The following PIK3C3 variants were observed in gnomAD, a reference collection of about 807,000 sequenced individuals.
The protein encoded by PIK3C3 is phosphatidylinositol 3-kinase catalytic subunit type 3, also known as PI3-kinase type 3.
In PIK3C3, 95 loss-of-function variants were observed where a neutral mutation model predicts 126.1. The observed-to-expected ratio is 0.75, with a 90% confidence interval of 0.64 to 0.89. The LOEUF (loss-of-function observed/expected upper bound fraction) is 0.89, where lower values mean the gene tolerates loss of function less well. Ranked by LOEUF, PIK3C3 falls within the 40% of genes least tolerant of loss-of-function variation. PIK3C3 has a pLI of 0.00. For synonymous variants in PIK3C3, 374 were observed against 360.0 expected, an observed-to-expected ratio of 1.04 and a Z score of -0.44; for missense variants, 829 against 1,063.2, an observed-to-expected ratio of 0.78 and a Z score of 3.06.
chr18:42,013,473 AG>A lies in PIK3C3; in HGVS notation c.1204del (p.Ala402LeufsTer10), dbSNP rs1485549204. The A allele has an allele frequency of 6.3e-7, 1 of 1,589,690 alleles. No individual in the cohort carries two copies. Reference sequence around the variant, plus strand: ...TTGATGTACCTATTACAATTGGTCCAGGCTCTCAAATATGAAAATTTTGATG... The same window carrying A: ...TTGATGTACCTATTACAATTGGTCCAGCTCTCAAATATGAAAATTTTGATG... ...DLLMYLLQLV[Q>X]ALKYENFDDI... is the part of the protein sequence containing the mutation. On this transcript the variant is annotated frameshift_variant, in exon 11 of 25. Transcript: ENST00000262039. LOFTEE classifies it high-confidence loss of function.
chr18:41,957,779 T>C, intron 2 of PIK3C3, 21 bp downstream of exon 2: 1 of 1,587,778 alleles, frequency 6.3e-7, no homozygotes. Flanking sequence ...TTGTGGCATA[T>C]GGTATGTTAC....
intron 4 of PIK3C3, among the ~76,000 whole-genome samples, chr18:41,973,158 A>C (rs946213864): frequency 7.2e-5 from 11 of 152,108 alleles, no homozygotes; most frequent in African/African-American, 2.2e-4. Flanking sequence ...CTAGGGAATA[A>C]AATTGTGATT....
At chr18:42,045,376 C>T (rs113528699) in intron 20 of PIK3C3, among the ~76,000 whole-genome samples, 88 of 152,110 alleles carry the variant, frequency 5.8e-4, no homozygotes, top group African/African-American at 2.0e-3. Flanking sequence ...TTTCTCAGAC[C>T]TTCAAGTCTA....
In PIK3C3 at chr18:42,006,924, C is replaced by T. The variant is rs541701182; in HGVS notation, c.1170+2383C>T. Among the ~76,000 whole-genome samples the T allele has an allele frequency of 1.2e-4, 16 of 135,924 alleles. No homozygotes were observed. In the South Asian group the frequency reaches 2.6e-3, roughly 22 times the overall value. 89.2% of individuals were successfully genotyped at this position (135,924 alleles called of 152,430 possible). A position where few individuals can be genotyped will look rare whatever the true frequency, so the allele number is the denominator to read the frequency against. The stretch of plus-strand genomic sequence containing the variant: ...TGTCTCCTAGGCTGGAATGCAGTGG[C>T]GTGATCTCAGCTCACTGAAAGCTCT... On this transcript the variant is annotated intron_variant, in intron 10 of 24. Coordinates refer to ENST00000262039, the MANE Select transcript of PIK3C3 (RefSeq NM_002647.4).
At chr18:41,957,217 G>T (rs550382117) in intron 1 of PIK3C3, among the ~76,000 whole-genome samples, 97 of 152,314 alleles carry the variant, frequency 6.4e-4, no homozygotes, top group Non-Finnish European at 1.2e-3. Context: ...AACTTGAAAT[G>T]AAGAAAATGA....
chr18:42,069,546 G>C (rs1231369500), intron 24 of PIK3C3, among the ~76,000 whole-genome samples: 1 of 152,124 alleles, frequency 6.6e-6, no homozygotes, highest in Non-Finnish European at 1.5e-5. Context: ...CTCTGTGTGT[G>C]TACACCTTAT....
intron 18 of PIK3C3, among the ~76,000 whole-genome samples, chr18:42,039,382 G>C (rs1005323997): frequency 2.6e-5 from 4 of 152,254 alleles, no homozygotes; most frequent in African/African-American, 9.6e-5. Flanking sequence ...ATTTTAAAAA[G>C]TGCAAATGTG....
At chr18:42,057,721 ACT>A in intron 21 of PIK3C3, 160 bp from the exon 22 acceptor site, 1 of 614,388 alleles carries the variant, frequency 1.6e-6, no homozygotes. Context: ...TCTGAAGGCC[ACT>A]CTCAAACCTG....
chr18:42,078,487 AT>A (rs559360452), intron 24 of PIK3C3, among the ~76,000 whole-genome samples: 1 of 151,884 alleles, frequency 6.6e-6, no homozygotes, highest in Non-Finnish European at 1.5e-5. Context: ...GGCAGAGTAG[AT>A]TTAACATAAT....
intron 3 of PIK3C3, among the ~76,000 whole-genome samples, chr18:41,964,419 A>G (rs9948650): frequency 0.083 from 12,630 of 152,092 alleles, 1,709 homozygotes; most frequent in African/African-American, 0.28. Flanking sequence ...TTATGCCTCA[A>G]TGTCTTCATA....
In PIK3C3 at chr18:42,043,832, C is replaced by G. The variant is rs763770027; in HGVS notation, c.2188+15C>G. ...TAAAAGCTGTGGTAAGTTTTTCAGG[C>G]TATTACTTTCCATTGATCAGATAAA... On this transcript the variant is annotated intron_variant, in intron 20 of 24. Coordinates refer to ENST00000262039, the MANE Select transcript of PIK3C3 (RefSeq NM_002647.4). The G allele has an allele frequency of 8.3e-6, 13 of 1,562,438 alleles. No homozygotes were observed. The Admixed American group carries it at 1.7e-4, about 20-fold the overall frequency.
At chr18:41,981,119 C>T (rs1174705559) in intron 4 of PIK3C3, among the ~76,000 whole-genome samples, 1 of 151,978 alleles carries the variant, frequency 6.6e-6, no homozygotes, top group African/African-American at 2.4e-5. Flanking sequence ...TCTGTGTCGC[C>T]ATTGAATTGT....
chr18:41,971,073 A>G (rs1008802940), intron 4 of PIK3C3: 3 of 153,272 alleles, frequency 2.0e-5, no homozygotes, highest in Non-Finnish European at 4.4e-5. Flanking sequence ...GTTTTAATCA[A>G]GTGTTTTCAC....
intron 1 of PIK3C3, among the ~76,000 whole-genome samples, chr18:41,955,818 A>G (rs1434786209): frequency 6.6e-6 from 1 of 152,056 alleles, no homozygotes; most frequent in East Asian, 1.9e-4. Context: ...ATGGTGTATT[A>G]GCACGGGAGG....
rs774970052 is a variant in PIK3C3, at chr18:42,081,111, T to C, written c.2650-12T>C. On this transcript the variant is annotated splice_polypyrimidine_tract_variant and intron_variant, in intron 24 of 24. Coordinates refer to ENST00000262039, the MANE Select transcript of PIK3C3 (RefSeq NM_002647.4). The stretch of plus-strand genomic sequence containing the variant: ...AAATTATTTTCTGTTTATTTCTTTT[T>C]AATTTTTGTAGTACTGGAGAAAATG... 6.7e-7 allele frequency: 1 copy of C among 1,496,180 alleles called. No homozygotes were observed. The highest frequency in any genetic ancestry group is 1.2e-5 in the South Asian group (1 of 84,184). 92.7% of individuals were successfully genotyped at this position (1,496,180 alleles called of 1,614,324 possible). A position where few individuals can be genotyped will look rare whatever the true frequency, so the allele number is the denominator to read the frequency against.
Position 42,038,775 on chromosome 18 carries a change from TA to T in PIK3C3, c.1969-2del. On this transcript the variant is annotated splice_polypyrimidine_tract_variant and splice_region_variant and intron_variant, in intron 17 of 24. Transcript: ENST00000262039. ...TGGTTAATATATTTTACCTTTTGAT[TA>T]AAAGCTGTTACGGAAAGAAAATCTG... is the stretch of plus-strand genomic sequence containing the variant. 1 of 1,587,504 alleles carries T rather than the reference TA, an allele frequency of 6.3e-7. No individual in the cohort carries two copies. The highest frequency in any genetic ancestry group is 8.6e-7 in the Non-Finnish European group (1 of 1,156,914).
rs761748493 is a variant in PIK3C3, at chr18:41,993,288, C to T, written c.733C>T (p.Pro245Ser). 3.7e-6 allele frequency: 6 copies of T among 1,608,432 alleles called. No homozygotes were observed. Among genetic ancestry groups the T allele is most frequent in the Admixed American group, 3.3e-5 (2 of 59,714 alleles). ...YYEKDGDESS[P>S]ILTSFELVKV... is the part of the protein sequence containing the mutation. The stretch of plus-strand genomic sequence containing the variant: ...AATCTAGGACGGTGATGAATCATCT[C>T]CAATTTTAACAAGTTTTGAATTAGT... The change falls in exon 7 of 25, where the codon CCA becomes TCA. Residue 245 changes from proline to serine, a missense_variant. Physicochemically the swap from Pro to Ser is moderately conservative, Grantham distance 74. This residue lies in a region of PIK3C3 where 313 missense variants were observed against 340.7 expected (regional missense o/e 0.92). Coordinates refer to ENST00000262039, the MANE Select transcript of PIK3C3 (RefSeq NM_002647.4).
At chr18:42,031,774 G>T (rs1332072924) in intron 15 of PIK3C3, among the ~76,000 whole-genome samples, 1 of 152,098 alleles carries the variant, frequency 6.6e-6, no homozygotes, top group African/African-American at 2.4e-5. Flanking sequence ...ATTATAAGCA[G>T]TCTCTTTTCA....
intron 22 of PIK3C3, among the ~76,000 whole-genome samples, chr18:42,060,424 C>A (rs182255044): frequency 8.3e-4 from 126 of 152,256 alleles, no homozygotes; most frequent in African/African-American, 2.7e-3. Flanking sequence ...ACTGATGTTA[C>A]AAAGATGTTC....
Sources: gnomAD v4.1 joint callset for allele counts (sites outside exome capture counted in the v4.1 genomes callset) on GRCh38, gnomAD v4.1.1 for gene constraint, gnomAD v4.1.1 regional missense constraint, MANE v1.5 for transcripts, NCBI Gene and HGNC (gene_info 2026-07-23, HGNC 2026-07-21) for gene names.